The following EXTL3 variants were observed in gnomAD, a reference collection of about 807,000 sequenced individuals.
EXTL3 encodes the protein exostosin-like 3.
Under a neutral mutation model 69.3 loss-of-function variants are expected in EXTL3, and 27 were observed. The observed-to-expected ratio is 0.39, with a 90% CI of 0.29 to 0.54. The LOEUF (loss-of-function observed/expected upper bound fraction) is 0.54, where lower values mean the gene tolerates loss of function less well. EXTL3 is among the 20% of genes least tolerant of loss of function. The probability of loss-of-function intolerance (pLI) is 0.69; values close to 1 mark genes in which losing one functional copy is unlikely to be tolerated. For missense variants in EXTL3, 1,003 were observed against 1,231.8 expected (o/e 0.81, Z 2.78); for synonymous variants, 511 against 499.4 (o/e 1.02, Z -0.31).
At chr8:28,674,941 T>C (rs2130648953) in intron 1 of EXTL3, among the ~76,000 whole-genome samples, 1 of 152,252 alleles carries the variant, frequency 6.6e-6, no homozygotes, top group African/African-American at 2.4e-5. Context: ...AATGTTGAAC[T>C]CCTCAGGACC....
At chr8:28,705,085 G>C (rs1466064492) in intron 1 of EXTL3, among the ~76,000 whole-genome samples, 1 of 152,222 alleles carries the variant, frequency 6.6e-6, no homozygotes, top group Admixed American at 6.5e-5. Flanking sequence ...CCTTATGCCT[G>C]AAATCTTGGA....
chr8:28,726,059 A>G (rs1801405999), intron 3 of EXTL3, among the ~76,000 whole-genome samples: 1 of 151,394 alleles, frequency 6.6e-6, no homozygotes. Context: ...GGGCTCAAGC[A>G]ATTCTCCTGC....
At chr8:28,662,557 G>C (rs1807133011) in intron 1 of EXTL3, among the ~76,000 whole-genome samples, 1 of 152,126 alleles carries the variant, frequency 6.6e-6, no homozygotes, top group Non-Finnish European at 1.5e-5. Flanking sequence ...GTCTAGGTTT[G>C]GTTCCTACTC....
At chr8:28,687,055 T>G (rs966026907) in intron 1 of EXTL3, among the ~76,000 whole-genome samples, 1 of 152,202 alleles carries the variant, frequency 6.6e-6, no homozygotes, top group African/African-American at 2.4e-5. Flanking sequence ...CAGGCCCTGA[T>G]AGCCAGTTGG....
intron 5 of EXTL3, chr8:28,742,839 C>T (rs559721175): frequency 7.9e-6 from 4 of 506,866 alleles, no homozygotes; most frequent in South Asian, 5.9e-5. Context: ...ACTGCGGTAC[C>T]AGGGAGATGA....
At chr8:28,694,904 C>T (rs1355091398) in intron 1 of EXTL3, among the ~76,000 whole-genome samples, 1 of 151,970 alleles carries the variant, frequency 6.6e-6, no homozygotes, top group Non-Finnish European at 1.5e-5. Context: ...TCCAGCTACT[C>T]GGGAGGCTGA....
At chr8:28,698,419 G>A (rs1800718757), upstream of EXTL3, 2 of 152,212 alleles carry the variant, frequency 1.3e-5, no homozygotes, top group South Asian at 4.1e-4. Context: ...TGTGGTGTTG[G>A]ACACCTTATT....
Position 28,716,155 on chromosome 8 carries a change from C to T in EXTL3, c.96C>T (p.Leu32=). Residue 32 remains leucine (L), a synonymous_variant, in exon 3 of 7, where the codon CTC becomes CTT. Coordinates refer to ENST00000220562, the MANE Select transcript of EXTL3 (RefSeq NM_001440.4). This position sits in a 1 kb window ranked among gnomAD's most constrained non-coding sequence, Gnocchi z 7.1. ...RWSNRIRLTW[L]SFTLFVILVF... is the part of the protein sequence containing the mutation. ...CCAACCGCATCCGCCTCACGTGGCT[C>T]AGCTTCACGCTCTTTGTCATCCTGG... 1.9e-6 allele frequency: 3 copies of T among 1,614,134 alleles called. No homozygotes were observed. The highest frequency in any genetic ancestry group is 2.5e-6 in the Non-Finnish European group (3 of 1,180,046).
upstream of EXTL3, among the ~76,000 whole-genome samples, chr8:28,699,108 G>A (rs1325062651): frequency 6.6e-6 from 1 of 152,202 alleles, no homozygotes; most frequent in Non-Finnish European, 1.5e-5. Flanking sequence ...CATCGGGGCT[G>A]CAGTGAGCCG....
chr8:28,685,778 C>T (rs906552630), intron 1 of EXTL3: 1 of 151,836 alleles, frequency 6.6e-6, no homozygotes, highest in Non-Finnish European at 1.5e-5. Context: ...CTTTTTCTCT[C>T]TCTCTTCCTT....
At chr8:28,639,549 G>A (rs898489612) in intron 1 of EXTL3, among the ~76,000 whole-genome samples, 6 of 152,096 alleles carry the variant, frequency 3.9e-5, no homozygotes, top group Non-Finnish European at 8.8e-5. Context: ...TGCCTGCTGC[G>A]GCTCCTGCCT....
Position 28,678,625 on chromosome 8 carries a change from T to G in EXTL3, c.-52-34832T>G, listed in dbSNP as rs886940505. Among the ~76,000 whole-genome samples the G allele has an allele frequency of 2.6e-5, 4 of 152,218 alleles. No homozygotes were observed. In the South Asian group the frequency reaches 6.2e-4, roughly 24 times the overall value. ...ATGCAGATGCTGGTGGCATGCTTTT[T>G]GTGCAGCCTGCAGAACCACGAGCCA... On this transcript the variant is annotated intron_variant, in intron 1 of 6. Coordinates refer to the EXTL3 transcript ENST00000523149.
intron 3 of EXTL3, among the ~76,000 whole-genome samples, chr8:28,724,346 A>G (rs1801363880): frequency 6.6e-6 from 1 of 152,246 alleles, no homozygotes; most frequent in Non-Finnish European, 1.5e-5. Flanking sequence ...TTTGTACTGT[A>G]TGACATCCCT....
intron 3 of EXTL3, among the ~76,000 whole-genome samples, chr8:28,722,156 G>T (rs1228968110): frequency 6.6e-6 from 1 of 152,300 alleles, no homozygotes; most frequent in South Asian, 2.1e-4. Flanking sequence ...CACCAGAAGC[G>T]ATGCCCAGTG....
intron 1 of EXTL3, among the ~76,000 whole-genome samples, chr8:28,645,668 A>G (rs1396872914): frequency 6.6e-6 from 1 of 152,104 alleles, no homozygotes; most frequent in Non-Finnish European, 1.5e-5. Context: ...TTACCATAAA[A>G]TAAGCCTTTC....
intron 1 of EXTL3, among the ~76,000 whole-genome samples, chr8:28,694,539 T>A (rs535926837): frequency 3.0e-4 from 46 of 152,342 alleles, no homozygotes; most frequent in African/African-American, 1.1e-3. Flanking sequence ...AGTTAGACTG[T>A]CAGGGTCCAA....
At chr8:28,737,423 G>A in intron 4 of EXTL3, 96 bp from the exon 5 acceptor site, 1 of 1,345,100 alleles carries the variant, frequency 7.4e-7, no homozygotes, top group Non-Finnish European at 1.1e-6. Flanking sequence ...AAAGCCTAAG[G>A]GCCAGAGCTT....
intron 1 of EXTL3, among the ~76,000 whole-genome samples, chr8:28,678,683 C>T (rs1300273917): frequency 3.9e-5 from 6 of 152,104 alleles, no homozygotes; most frequent in Non-Finnish European, 7.4e-5. Context: ...AATTAATTAC[C>T]CAGCCTTTGT....
intron 1 of EXTL3, among the ~76,000 whole-genome samples, chr8:28,659,846 G>T (rs1388210336): frequency 6.6e-6 from 1 of 152,120 alleles, no homozygotes; most frequent in Non-Finnish European, 1.5e-5. Flanking sequence ...TTTCTTTGTT[G>T]TCTCAGTTGC....
Sources: gnomAD v4.1 joint callset for allele counts (sites outside exome capture counted in the v4.1 genomes callset) on GRCh38, gnomAD v4.1.1 for gene constraint, Gnocchi (gnomAD v3.1) non-coding constraint, MANE v1.5 for transcripts, NCBI Gene and HGNC (gene_info 2026-07-23, HGNC 2026-07-21) for gene names.